RTF2: variants seen among roughly 807,000 people sequenced by gnomAD.
The protein encoded by RTF2 is UPF0549 protein C20orf43.
A neutral mutation model predicts 38.0 loss-of-function variants in RTF2; 18 were observed. That is an observed-to-expected ratio of 0.47 (90% CI 0.33 to 0.70). The LOEUF (loss-of-function observed/expected upper bound fraction) is 0.70, where lower values mean the gene tolerates loss of function less well. Among genes scored for constraint, RTF2 ranks in the 30% least tolerant of loss-of-function variants. The pLI is 0.02. For missense variants in RTF2, 311 were observed against 379.6 expected, an observed-to-expected ratio of 0.82 and a Z score of 1.50; for synonymous variants, 126 against 137.1, an observed-to-expected ratio of 0.92 and a Z score of 0.57.
intron 5 of RTF2, among the ~76,000 whole-genome samples, chr20:56,498,799 T>G (rs1983729159): frequency 6.6e-6 from 1 of 152,238 alleles, no homozygotes; most frequent in Non-Finnish European, 1.5e-5. Flanking sequence ...CCATTAAAAG[T>G]TGCATGTTAT....
At chr20:56,497,365 A>C (rs1270717495) in intron 5 of RTF2, 14 of 1,549,908 alleles carry the variant, frequency 9.0e-6, no homozygotes, top group Non-Finnish European at 1.2e-5. Flanking sequence ...GGTGTGTGTA[A>C]ATGAGCATGT....
At chr20:56,486,818 G>A (rs1237501839) in intron 5 of RTF2, among the ~76,000 whole-genome samples, 1 of 152,150 alleles carries the variant, frequency 6.6e-6, no homozygotes, top group Non-Finnish European at 1.5e-5. Flanking sequence ...TTGGTTAGTG[G>A]GGGAAAGAAA....
At chr20:56,496,211 G>T (rs1371653847) in intron 5 of RTF2, among the ~76,000 whole-genome samples, 1 of 152,094 alleles carries the variant, frequency 6.6e-6, no homozygotes, top group East Asian at 1.9e-4. Flanking sequence ...CATTTACAAG[G>T]CCAAAGAAAC....
intron 5 of RTF2, among the ~76,000 whole-genome samples, chr20:56,500,709 A>G (rs1171820089): frequency 6.6e-6 from 1 of 152,220 alleles, no homozygotes; most frequent in Non-Finnish European, 1.5e-5. Context: ...GTGAAACTTC[A>G]GAATGGATGC....
intron 5 of RTF2, among the ~76,000 whole-genome samples, chr20:56,488,190 G>A (rs7262129): frequency 0.045 from 6,829 of 152,088 alleles, 455 homozygotes; most frequent in East Asian, 0.29. Flanking sequence ...ATGAAACCCC[G>A]TCTCTACTAA....
chr20:56,479,310 C>T (rs573321842), intron 4 of RTF2, among the ~76,000 whole-genome samples: 5 of 151,552 alleles, frequency 3.3e-5, no homozygotes. Flanking sequence ...ACTGCAACCC[C>T]CACCTCCTGG....
chr20:56,497,866 C>T (rs145243464), intron 5 of RTF2, among the ~76,000 whole-genome samples: 47 of 152,324 alleles, frequency 3.1e-4, no homozygotes, highest in African/African-American at 1.1e-3. Context: ...ATTGCCGATA[C>T]GCCTTCTGTC....
intron 5 of RTF2, among the ~76,000 whole-genome samples, chr20:56,505,217 T>C (rs142010426): frequency 1.3e-5 from 2 of 152,266 alleles, no homozygotes; most frequent in East Asian, 3.9e-4. Flanking sequence ...CTGGGTGCAG[T>C]GGCTCATATC....
At chr20:56,474,481 C>CAAAT (rs1159934593) in intron 2 of RTF2, among the ~76,000 whole-genome samples, 197 bp from the exon 3 acceptor site, 4 of 152,220 alleles carry the variant, frequency 2.6e-5, no homozygotes, top group East Asian at 1.9e-4. Flanking sequence ...AACTCTCTCT[C>CAAAT]AAATAAATAA....
rs1166372475 is a variant in RTF2 at position 56,513,446 on chromosome 20, G to A, written c.591+18G>A. ...TGGAAAAGGTAATGGGAGTCTTCAGGTTCCGCCCAGCCCCCATCTCTGCTC... is the reference window on the plus strand; with the variant it reads ...TGGAAAAGGTAATGGGAGTCTTCAGATTCCGCCCAGCCCCCATCTCTGCTC... On this transcript the variant is annotated intron_variant, in intron 6 of 8. Transcript: ENST00000357348. The A allele has an allele frequency of 6.4e-7, 1 of 1,564,006 alleles. No individual in the cohort carries two copies. The highest frequency in any genetic ancestry group is 8.7e-7 in the Non-Finnish European group (1 of 1,154,808).
At chr20:56,497,081 A>G (rs1983594087) in intron 5 of RTF2, 17 of 1,551,682 alleles carry the variant, frequency 1.1e-5, no homozygotes, top group Non-Finnish European at 1.5e-5. Flanking sequence ...TTGTAAAGCC[A>G]GCATAAGCCA....
intron 8 of RTF2, among the ~76,000 whole-genome samples, chr20:56,517,838 A>T (rs924421700): frequency 2.6e-5 from 4 of 152,212 alleles, no homozygotes; most frequent in African/African-American, 9.6e-5. Flanking sequence ...GCCCTGCCTC[A>T]TCAGGACAAT....
rs1985233777 is a variant in RTF2, at chr20:56,518,895, T to C, written c.*630T>C. 1 of 152,166 alleles carries C rather than the reference T, an allele frequency of 6.6e-6. No individual in the cohort carries two copies. Among genetic ancestry groups the C allele is most frequent in the African/African-American group, 2.4e-5 (1 of 41,442 alleles). 9.4% of individuals were successfully genotyped at this position (152,166 alleles called of 1,614,324 possible). On this transcript the variant is annotated 3_prime_UTR_variant, in exon 9 of 9. Coordinates refer to ENST00000357348, the MANE Select transcript of RTF2 (RefSeq NM_016407.5). ...GGTCTGCCTCTTCTCTCCTCTGTGT[T>C]TTTATCTTTTCTACCTTCTGCTCAT...
At chr20:56,516,396 A>G (rs183920551) in intron 6 of RTF2, 5 of 152,988 alleles carry the variant, frequency 3.3e-5, no homozygotes, top group Non-Finnish European at 7.3e-5. Flanking sequence ...AAATCTAACA[A>G]GAGTAGTTTT....
intron 1 of RTF2, among the ~76,000 whole-genome samples, chr20:56,470,069 C>A (rs1981877217): frequency 6.6e-6 from 1 of 152,184 alleles, no homozygotes. Context: ...ACCTCTGTAA[C>A]CCCTACCATG....
intron 2 of RTF2, among the ~76,000 whole-genome samples, 165 bp downstream of exon 2, chr20:56,473,560 A>G (rs539246090): frequency 1.3e-5 from 2 of 152,246 alleles, no homozygotes; most frequent in South Asian, 4.1e-4. Context: ...TCTTCTAGTC[A>G]GTTTGGTTTA....
intron 5 of RTF2, among the ~76,000 whole-genome samples, chr20:56,511,840 CT>C (rs371436160): frequency 0.013 from 1,980 of 149,536 alleles, 56 homozygotes; most frequent in African/African-American, 0.046. Flanking sequence ...TTAGACCCCT[CT>C]TTTTTTTTTG....
At chr20:56,480,205 CT>C (rs1248540208) in intron 4 of RTF2, among the ~76,000 whole-genome samples, 6 of 152,204 alleles carry the variant, frequency 3.9e-5, no homozygotes, top group Non-Finnish European at 7.3e-5. Context: ...TTCTGGAGAA[CT>C]TAATGCAGCT....
chr20:56,509,353 C>T (rs1261684972), intron 5 of RTF2, among the ~76,000 whole-genome samples: 1 of 152,174 alleles, frequency 6.6e-6, no homozygotes, highest in African/African-American at 2.4e-5. Context: ...TGCAGTGGCT[C>T]ACACCTGTAA....
Sources: gnomAD v4.1 joint callset for allele counts (sites outside exome capture counted in the v4.1 genomes callset) on GRCh38, gnomAD v4.1.1 for gene constraint, MANE v1.5 for transcripts, NCBI Gene and HGNC (gene_info 2026-07-23, HGNC 2026-07-21) for gene names.